The following RBFOX1 variants were observed in gnomAD, a reference collection of about 807,000 sequenced individuals.
The protein encoded by RBFOX1 is RNA binding protein fox-1 homolog 1.
A neutral mutation model predicts 57.7 loss-of-function variants in RBFOX1; 8 were observed. The ratio of observed to expected loss-of-function variants is 0.14; its 90% CI spans 0.08 to 0.25. The LOEUF (loss-of-function observed/expected upper bound fraction) is 0.25. Among genes scored for constraint, RBFOX1 ranks in the 10% least tolerant of loss-of-function variants. The pLI, the probability that RBFOX1 is intolerant of heterozygous loss-of-function variation, is 1.00. For missense variants in RBFOX1, 611 were observed against 548.5 expected (o/e 1.11, Z -1.14); for synonymous variants, 326 against 222.4 (o/e 1.47, Z -4.15).
chr16:5,595,244 C>T (rs77822769), intron 2 of RBFOX1, among the ~76,000 whole-genome samples: 114 of 152,288 alleles, frequency 7.5e-4, no homozygotes, highest in African/African-American at 2.7e-3. Context: ...CTTCTAATGC[C>T]ACCTCTGGGA....
At chr16:7,393,538 G>A (rs1471597578) in intron 4 of RBFOX1, among the ~76,000 whole-genome samples, 1 of 152,158 alleles carries the variant, frequency 6.6e-6, no homozygotes, top group Non-Finnish European at 1.5e-5. Flanking sequence ...GGTGCAAGTG[G>A]TGAATTGAAG....
chr16:7,175,445 C>T (rs1374121764), intron 4 of RBFOX1, among the ~76,000 whole-genome samples: 1 of 152,144 alleles, frequency 6.6e-6, no homozygotes, highest in Non-Finnish European at 1.5e-5. Context: ...AAGAGCTCCT[C>T]CCCCTTTAAC....
At chr16:5,391,425 C>T (rs2066404023) in intron 1 of RBFOX1, among the ~76,000 whole-genome samples, 1 of 152,118 alleles carries the variant, frequency 6.6e-6, no homozygotes, top group Admixed American at 6.5e-5. Flanking sequence ...CAAAGCTAGC[C>T]AGGAAGGGTT....
intron 5 of RBFOX1, among the ~76,000 whole-genome samples, chr16:7,533,010 G>A (rs575975034): frequency 6.6e-6 from 1 of 152,330 alleles, no homozygotes; most frequent in Non-Finnish European, 1.5e-5. Context: ...AGCTGGCTTT[G>A]ATTAAAAAAT....
chr16:7,617,730 G>C (rs764055771), intron 10 of RBFOX1, among the ~76,000 whole-genome samples: 1 of 152,186 alleles, frequency 6.6e-6, no homozygotes, highest in Non-Finnish European at 1.5e-5. Flanking sequence ...TACCAAAACA[G>C]ACCCAGGCTT....
In RBFOX1 at chr16:6,138,735, C is replaced by T. The variant is rs149034927; in HGVS notation, c.-127+118743C>T. Among the ~76,000 whole-genome samples the T allele has an allele frequency of 2.0e-5, 3 of 152,178 alleles. No individual in the cohort carries two copies. In the East Asian group the frequency reaches 5.8e-4, roughly 29 times the overall value. Reference sequence around the variant, plus strand: ...ACAAAAAATTAGCAAGGGTTGGTGGCAGGCACCTGTAGTCCCAGGTACTTG... The same window carrying T: ...ACAAAAAATTAGCAAGGGTTGGTGGTAGGCACCTGTAGTCCCAGGTACTTG... On this transcript the variant is annotated intron_variant, in intron 1 of 15. Transcript: ENST00000550418.
intron 2 of RBFOX1, among the ~76,000 whole-genome samples, chr16:6,626,363 CCTG>C (rs2098307270): frequency 6.6e-6 from 1 of 151,990 alleles, no homozygotes; most frequent in African/African-American, 2.4e-5. Flanking sequence ...TGTTGCAGGA[CCTG>C]GGAGCTGAGG....
intron 3 of RBFOX1, among the ~76,000 whole-genome samples, chr16:5,704,664 G>A (rs1051061978): frequency 4.6e-5 from 7 of 152,112 alleles, no homozygotes; most frequent in African/African-American, 1.7e-4. Flanking sequence ...AACTACTTGG[G>A]TTTTTGACAT....
intron 4 of RBFOX1, among the ~76,000 whole-genome samples, chr16:7,178,096 C>G (rs2346601): frequency 5.5e-4 from 84 of 152,130 alleles, no homozygotes; most frequent in African/African-American, 2.0e-3. Flanking sequence ...GCTGCTGTTA[C>G]AAATAACCCC....
chr16:7,052,161 C>T, intron 4 of RBFOX1, 63 bp downstream of exon 4: 3 of 1,564,312 alleles, frequency 1.9e-6, no homozygotes, highest in Middle Eastern at 1.7e-4. Flanking sequence ...GCAAAAATTT[C>T]CTTGTCTCTC....
intron 3 of RBFOX1, among the ~76,000 whole-genome samples, chr16:5,856,441 C>G (rs1299435533): frequency 7.3e-6 from 1 of 137,462 alleles, no homozygotes; most frequent in South Asian, 2.3e-4. Context: ...TGTTCATTGT[C>G]ATCACAAGAC....
chr16:7,045,119 T>C (rs2047458796), intron 3 of RBFOX1, among the ~76,000 whole-genome samples: 1 of 151,966 alleles, frequency 6.6e-6, no homozygotes, highest in Non-Finnish European at 1.5e-5. Flanking sequence ...GGAGGGGAGG[T>C]CACTGGCCAC....
intron 4 of RBFOX1, among the ~76,000 whole-genome samples, chr16:7,513,291 G>T (rs34943535): frequency 0.24 from 33,377 of 136,524 alleles, 4,828 homozygotes; most frequent in East Asian, 0.44. Flanking sequence ...AATAATGAAT[G>T]AATGAATGAA....
intron 3 of RBFOX1, among the ~76,000 whole-genome samples, chr16:6,941,269 C>T (rs1280406543): frequency 8.1e-6 from 1 of 123,300 alleles, no homozygotes; most frequent in African/African-American, 2.9e-5. Context: ...CCCATTTCCT[C>T]TCTCCCTCCC....
At chr16:7,636,835 CAGAGAGAAACAG>C (rs1299805595) in intron 11 of RBFOX1, among the ~76,000 whole-genome samples, 4 of 121,270 alleles carry the variant, frequency 3.3e-5, no homozygotes, top group East Asian at 4.6e-4. Flanking sequence ...GAGACAGAGA[CAGAGAGAAACAG>C]AGAGAGAGAG....
intron 14 of RBFOX1, among the ~76,000 whole-genome samples, chr16:7,706,514 T>C (rs1438226287): frequency 6.6e-6 from 1 of 152,180 alleles, no homozygotes; most frequent in African/African-American, 2.4e-5. Context: ...TACATTCAAA[T>C]TGCCCATATA....
At chr16:7,469,214 G>T (rs557204139) in intron 4 of RBFOX1, among the ~76,000 whole-genome samples, 1 of 136,850 alleles carries the variant, frequency 7.3e-6, no homozygotes, top group East Asian at 2.5e-4. Context: ...GATTACAAGC[G>T]TGAGCCACCT....
chr16:6,759,563 A>T (rs1387537544), intron 3 of RBFOX1, among the ~76,000 whole-genome samples: 1 of 143,474 alleles, frequency 7.0e-6, no homozygotes, highest in Non-Finnish European at 1.5e-5. Flanking sequence ...TGTTGTTTTC[A>T]TTGTTAGGAT....
chr16:6,621,378 G>A (rs1307686408), intron 2 of RBFOX1, among the ~76,000 whole-genome samples: 2 of 152,146 alleles, frequency 1.3e-5, no homozygotes, highest in African/African-American at 4.8e-5. Context: ...GCAGGAGAAT[G>A]GCGTGAACCC....
Sources: allele counts gnomAD v4.1 joint callset (sites outside exome capture counted in the v4.1 genomes callset), GRCh38; gene constraint gnomAD v4.1.1; transcripts MANE v1.5; gene names NCBI Gene and HGNC (gene_info 2026-07-23, HGNC 2026-07-21).